ALK: variants seen among roughly 807,000 people sequenced by gnomAD.
ALK encodes the protein ALK tyrosine kinase receptor.
ALK carries 74 observed loss-of-function variants against 163.1 expected under a neutral mutation model. That is an observed-to-expected ratio of 0.45 (90% CI 0.38 to 0.55). The LOEUF (loss-of-function observed/expected upper bound fraction) is 0.55. Ranked by LOEUF, ALK falls within the 20% of genes least tolerant of loss-of-function variation. The probability of loss-of-function intolerance (pLI) is 0.00; values close to 1 mark genes in which losing one functional copy is unlikely to be tolerated. For synonymous variants in ALK, 960 were observed against 843.2 expected, an observed-to-expected ratio of 1.14 and a Z score of -2.40; for missense variants, 2,063 against 2,105.3, an observed-to-expected ratio of 0.98 and a Z score of 0.39.
chr2:29,315,355 G>A (rs1409122862), intron 8 of ALK, among the ~76,000 whole-genome samples: 2 of 152,036 alleles, frequency 1.3e-5, no homozygotes, highest in Non-Finnish European at 2.9e-5. Flanking sequence ...ATCATGGGGG[G>A]CTCCTGACCT....
intron 4 of ALK, among the ~76,000 whole-genome samples, chr2:29,480,980 G>T (rs1272050878): frequency 6.6e-6 from 1 of 152,134 alleles, no homozygotes; most frequent in Non-Finnish European, 1.5e-5. Flanking sequence ...CTGGAGCAAA[G>T]TCCCTAACAA....
intron 3 of ALK, among the ~76,000 whole-genome samples, chr2:29,588,891 G>C (rs956413964): frequency 3.3e-5 from 5 of 152,210 alleles, no homozygotes; most frequent in Admixed American, 2.6e-4. Flanking sequence ...GACAAGGCCT[G>C]CAAATTGTAG....
At chr2:29,789,585 C>G (rs1459873875) in intron 1 of ALK, among the ~76,000 whole-genome samples, 1 of 152,206 alleles carries the variant, frequency 6.6e-6, no homozygotes, top group East Asian at 1.9e-4. Flanking sequence ...GGATTAAAAC[C>G]TCAAGAACTT....
At chr2:29,211,883 G>T (rs976531614) in intron 24 of ALK, among the ~76,000 whole-genome samples, 1 of 152,216 alleles carries the variant, frequency 6.6e-6, no homozygotes, top group Non-Finnish European at 1.5e-5. Context: ...AGCAATAAAT[G>T]ATTACTCTGG....
At chr2:29,686,382 G>A (rs770720710) in intron 3 of ALK, among the ~76,000 whole-genome samples, 3 of 152,152 alleles carry the variant, frequency 2.0e-5, no homozygotes, top group Non-Finnish European at 4.4e-5. Context: ...CAGAAACCAT[G>A]GCCAAACCTT....
chr2:29,752,372 C>T (rs1238504535), intron 1 of ALK, among the ~76,000 whole-genome samples: 32 of 127,160 alleles, frequency 2.5e-4, no homozygotes, highest in African/African-American at 8.3e-4. Flanking sequence ...TTTTTTGAGA[C>T]GGAGTTTCGC....
intron 1 of ALK, among the ~76,000 whole-genome samples, chr2:29,839,602 C>G (rs1411300565): frequency 6.6e-6 from 1 of 152,158 alleles, no homozygotes. Flanking sequence ...AAATGGTTGT[C>G]TCGCCATTCC....
chr2:29,457,878 CA>C (rs1396898231), intron 4 of ALK, among the ~76,000 whole-genome samples: 1 of 151,868 alleles, frequency 6.6e-6, no homozygotes, highest in Admixed American at 6.6e-5. Flanking sequence ...GGTACTAAAA[CA>C]AAAAAATCCT....
chr2:29,428,478 G>A (rs563577223), intron 4 of ALK, among the ~76,000 whole-genome samples: 4 of 151,966 alleles, frequency 2.6e-5, no homozygotes, highest in African/African-American at 9.6e-5. Flanking sequence ...AAGGAATACT[G>A]TTTAAAAAAA....
intron 4 of ALK, among the ~76,000 whole-genome samples, chr2:29,497,753 G>A (rs191645623): frequency 3.0e-4 from 45 of 152,112 alleles, no homozygotes; most frequent in East Asian, 9.6e-4. Flanking sequence ...ATATTGTTTC[G>A]GTCATGTAGG....
At chr2:29,216,686 G>GTA (rs1669618371) in intron 23 of ALK, among the ~76,000 whole-genome samples, 1 of 151,358 alleles carries the variant, frequency 6.6e-6, no homozygotes, top group Non-Finnish European at 1.5e-5. Flanking sequence ...TTGTGTATAT[G>GTA]TGGGGTGTAT....
chr2:29,304,508 A>AG (rs944854241), intron 8 of ALK, among the ~76,000 whole-genome samples: 2 of 151,286 alleles, frequency 1.3e-5, no homozygotes, highest in African/African-American at 2.4e-5. Context: ...AAAAAAAAAA[A>AG]AAAGAAAAGA....
intron 1 of ALK, among the ~76,000 whole-genome samples, chr2:29,857,486 T>C (rs1666172826): frequency 6.6e-6 from 1 of 152,188 alleles, no homozygotes; most frequent in Admixed American, 6.5e-5. Context: ...TGGCTAAGGC[T>C]GAATGTGGCT....
rs375296866 is a variant in ALK at position 29,228,996 on chromosome 2, G to C, written c.2703C>G (p.Thr901=). ...TGGCCTGGGGGCAGGAATGTCCTCC[G>C]GTGGCACCCTCCTGCAAAGATTTTC... ...WAGKSLQEGA[T]GGHSCPQAMK... Residue 901 remains threonine (T), a synonymous_variant, in exon 16 of 29, where the codon ACC becomes ACG. Transcript: ENST00000389048. 2 of 1,456,022 alleles carry C rather than the reference G, an allele frequency of 1.4e-6. No individual in the cohort carries two copies. Among genetic ancestry groups the C allele is most frequent in the African/African-American group, 1.6e-5 (1 of 62,188 alleles). The allele number at this position is 1,456,022 out of a possible 1,614,324, so 90.2% of individuals were successfully genotyped here.
At chr2:29,781,370 C>A (rs1681326645) in intron 1 of ALK, among the ~76,000 whole-genome samples, 1 of 152,208 alleles carries the variant, frequency 6.6e-6, no homozygotes, top group Non-Finnish European at 1.5e-5. Flanking sequence ...CTCTTCTGGG[C>A]TTCTCCCAGG....
At chr2:29,592,882 A>G (rs186997316) in intron 3 of ALK, among the ~76,000 whole-genome samples, 1 of 152,280 alleles carries the variant, frequency 6.6e-6, no homozygotes, top group African/African-American at 2.4e-5. Context: ...GAACTGGAAG[A>G]GGCAAGAATG....
At chr2:29,476,402 T>C (rs1443881713) in intron 4 of ALK, among the ~76,000 whole-genome samples, 1 of 152,052 alleles carries the variant, frequency 6.6e-6, no homozygotes, top group Non-Finnish European at 1.5e-5. Flanking sequence ...GTAAAGATAA[T>C]TGTAGGAAAG....
At chr2:29,442,535 T>C (rs1358197442) in intron 4 of ALK, among the ~76,000 whole-genome samples, 1 of 152,150 alleles carries the variant, frequency 6.6e-6, no homozygotes. Context: ...CGATCTTCAA[T>C]ATTCTCCCTT....
At chr2:29,549,197 T>C (rs1673651879) in intron 3 of ALK, among the ~76,000 whole-genome samples, 1 of 151,980 alleles carries the variant, frequency 6.6e-6, no homozygotes, top group South Asian at 2.1e-4. Flanking sequence ...CACAGGTGTA[T>C]GTGTCTTTCA....
Sources: gnomAD v4.1 joint callset for allele counts (sites outside exome capture counted in the v4.1 genomes callset) on GRCh38, gnomAD v4.1.1 for gene constraint, MANE v1.5 for transcripts, NCBI Gene and HGNC (gene_info 2026-07-23, HGNC 2026-07-21) for gene names.